Variants in GPR137C observed in about 807,000 individuals in gnomAD.
GPR137C encodes integral membrane protein GPR137C.
A neutral mutation model predicts 43.4 loss-of-function variants in GPR137C; 27 were observed. The ratio of observed to expected loss-of-function variants is 0.62; its 90% CI spans 0.46 to 0.86. The LOEUF is 0.86. Among genes scored for constraint, GPR137C ranks in the 40% least tolerant of loss-of-function variants. GPR137C has a pLI of 0.00. For synonymous variants in GPR137C, 285 were observed against 226.9 expected, an observed-to-expected ratio of 1.26 and a Z score of -2.30; for missense variants, 522 against 534.6, an observed-to-expected ratio of 0.98 and a Z score of 0.23.
intron 4 of GPR137C, among the ~76,000 whole-genome samples, chr14:52,633,275 C>T (rs2039314562): frequency 6.6e-6 from 1 of 151,962 alleles, no homozygotes; most frequent in Non-Finnish European, 1.5e-5. Context: ...CCTTATTATC[C>T]ATATATTAAA....
At position 52,553,446 on chromosome 14, in the gene GPR137C, T is replaced by G; in HGVS notation, c.299T>G (p.Phe100Cys). The G allele has an allele frequency of 6.2e-7, 1 of 1,609,056 alleles. No individual in the cohort carries two copies. Among genetic ancestry groups the G allele is most frequent in the Non-Finnish European group, 8.5e-7 (1 of 1,179,770 alleles). ...LLWAALRTTLFSAAFSLSGSL... is the reference protein window; with the variant it reads ...LLWAALRTTLCSAAFSLSGSL... ...TGGGCAGCGCTCAGGACCACCCTCT[T>G]CTCCGCCGCCTTCTCGCTCAGCGGC... is the stretch of plus-strand genomic sequence containing the variant. The change falls in exon 1 of 7, where the codon TTC becomes TGC. Residue 100 changes from phenylalanine to cysteine, a missense_variant. Physicochemically the swap from Phe to Cys is radical, Grantham distance 205. Coordinates refer to ENST00000321662, the MANE Select transcript of GPR137C (RefSeq NM_001099652.2).
intron 1 of GPR137C, among the ~76,000 whole-genome samples, chr14:52,574,835 T>G (rs925289718): frequency 1.3e-5 from 2 of 152,178 alleles, no homozygotes; most frequent in South Asian, 4.1e-4. Context: ...TTTCCTTTGG[T>G]GAATCTGGTG....
At position 52,633,985 on chromosome 14, in the gene GPR137C, A is replaced by T. The variant is rs550177000; in HGVS notation, c.1112+39A>T. 7.6e-6 allele frequency: 9 copies of T among 1,183,662 alleles called. No homozygotes were observed. In the South Asian group the frequency reaches 1.0e-4, roughly 13 times the overall value. The allele number at this position is 1,183,662 out of a possible 1,614,324, so 73.3% of individuals were successfully genotyped here. A position where few individuals can be genotyped will look rare whatever the true frequency, so the allele number is the denominator to read the frequency against. ...AGCCACTTAGCCTGAATTACTATTG[A>T]AATTGATTGAAAAAAACAAATCTAA... On this transcript the variant is annotated intron_variant, in intron 6 of 6. Coordinates refer to ENST00000321662, the MANE Select transcript of GPR137C (RefSeq NM_001099652.2).
chr14:52,600,515 A>C (rs2139527636), intron 3 of GPR137C, among the ~76,000 whole-genome samples, 174 bp downstream of exon 3: 1 of 152,274 alleles, frequency 6.6e-6, no homozygotes, highest in Non-Finnish European at 1.5e-5. Context: ...TCACAGATGC[A>C]ATCATTGTGC....
chr14:52,587,837 T>C (rs546750082), intron 1 of GPR137C, among the ~76,000 whole-genome samples: 1 of 152,262 alleles, frequency 6.6e-6, no homozygotes, highest in African/African-American at 2.4e-5. Context: ...CCTAAAAGGA[T>C]ACAAGGATGG....
intron 1 of GPR137C, among the ~76,000 whole-genome samples, chr14:52,557,369 T>C (rs544041067): frequency 6.6e-6 from 1 of 152,246 alleles, no homozygotes; most frequent in Non-Finnish European, 1.5e-5. Flanking sequence ...ATATAGAGTT[T>C]TGTTTAATGA....
chr14:52,556,093 G>A (rs1350462500), intron 1 of GPR137C, among the ~76,000 whole-genome samples: 1 of 151,986 alleles, frequency 6.6e-6, no homozygotes, highest in Non-Finnish European at 1.5e-5. Context: ...CTTAACTGAT[G>A]TTTAATTTTT....
rs1417974986 is a variant in GPR137C, at chr14:52,553,602, A to G, written c.444+11A>G. 11 of 1,491,034 alleles carry G rather than the reference A, an allele frequency of 7.4e-6. No homozygotes were observed. Among genetic ancestry groups the G allele is most frequent in the South Asian group, 4.0e-5 (3 of 75,818 alleles). The allele number at this position is 1,491,034 out of a possible 1,614,324, so 92.4% of individuals were successfully genotyped here. The stretch of plus-strand genomic sequence containing the variant: ...CTCTACCTGGCGGAGGTAAGGCGGG[A>G]GGGCCGGCATGCGGGGCCCGGGCGG... On this transcript the variant is annotated intron_variant, in intron 1 of 6. Transcript: ENST00000321662.
At chr14:52,561,054 A>G (rs1407009689) in intron 1 of GPR137C, among the ~76,000 whole-genome samples, 1 of 152,138 alleles carries the variant, frequency 6.6e-6, no homozygotes, top group East Asian at 1.9e-4. Flanking sequence ...ATACTTCACA[A>G]AAAAGATATA....
At chr14:52,559,744 T>C (rs2038252363) in intron 1 of GPR137C, among the ~76,000 whole-genome samples, 1 of 152,224 alleles carries the variant, frequency 6.6e-6, no homozygotes, top group African/African-American at 2.4e-5. Context: ...TCTCTATTTG[T>C]AGGTGACACA....
chr14:52,565,446 T>C (rs1322796993), intron 1 of GPR137C, among the ~76,000 whole-genome samples: 3 of 152,220 alleles, frequency 2.0e-5, no homozygotes, highest in African/African-American at 7.2e-5. Context: ...GTTCTAAGTC[T>C]GACCAAATGT....
At chr14:52,588,630 A>G (rs1566612683) in intron 1 of GPR137C, among the ~76,000 whole-genome samples, 1 of 152,232 alleles carries the variant, frequency 6.6e-6, no homozygotes, top group Non-Finnish European at 1.5e-5. Context: ...AATTGTGAAT[A>G]TCATGAAAGA....
chr14:52,603,331 T>G (rs1047670001), intron 3 of GPR137C, among the ~76,000 whole-genome samples: 3 of 152,208 alleles, frequency 2.0e-5, no homozygotes, highest in Non-Finnish European at 2.9e-5. Context: ...CCACATTTTT[T>G]TATTCATTCA....
intron 1 of GPR137C, among the ~76,000 whole-genome samples, chr14:52,554,225 T>G (rs908431474): frequency 3.3e-5 from 5 of 152,322 alleles, no homozygotes; most frequent in African/African-American, 9.6e-5. Context: ...CCTTAATGTT[T>G]GCCCCAGTTG....
Position 52,560,171 on chromosome 14 carries a change from T to C in GPR137C, c.444+6580T>C, listed in dbSNP as rs188703351. Among the ~76,000 whole-genome samples the C allele has an allele frequency of 6.5e-3, 994 of 152,112 alleles. 5 individuals are homozygous for C. The highest frequency in any genetic ancestry group is 0.01 in the Non-Finnish European group (708 of 67,998). ...GACCCTGTTTCAAAAACAACAATTC[T>C]ACATGCAATAGTGTCAAAAAATTAA... On this transcript the variant is annotated intron_variant, in intron 1 of 6. Coordinates refer to ENST00000321662, the MANE Select transcript of GPR137C (RefSeq NM_001099652.2).
chr14:52,618,611 A>C (rs1165786793), intron 3 of GPR137C, among the ~76,000 whole-genome samples: 3 of 152,010 alleles, frequency 2.0e-5, no homozygotes, highest in Admixed American at 2.0e-4. Flanking sequence ...CAGAATTATA[A>C]CTTTTTATCA....
intron 1 of GPR137C, among the ~76,000 whole-genome samples, chr14:52,558,439 G>A (rs1401470664): frequency 6.6e-6 from 1 of 152,160 alleles, no homozygotes; most frequent in Non-Finnish European, 1.5e-5. Flanking sequence ...GCACAAGTTT[G>A]AAGCCTAAAT....
In GPR137C at chr14:52,578,238, A is replaced by G. The variant is rs12586512; in HGVS notation, c.445-20034A>G. On this transcript the variant is annotated intron_variant, in intron 1 of 6. Transcript: ENST00000321662. ...CATGTATTTTTTAGTTTAGGGAGAC[A>G]TTCTCGTATTTTTAACTTGATTTTC... 7.2e-5 allele frequency among the ~76,000 whole-genome samples: 11 copies of G among 152,268 alleles called. No homozygotes were observed. In the East Asian group the frequency reaches 1.2e-3, roughly 16 times the overall value.
chr14:52,573,220 T>A (rs1463292515), intron 1 of GPR137C, among the ~76,000 whole-genome samples: 1 of 152,248 alleles, frequency 6.6e-6, no homozygotes, highest in Non-Finnish European at 1.5e-5. Flanking sequence ...TAGAACAAAC[T>A]ATTTTAAATT....
Sources: gnomAD v4.1 joint callset for allele counts (sites outside exome capture counted in the v4.1 genomes callset) on GRCh38, gnomAD v4.1.1 for gene constraint, MANE v1.5 for transcripts, NCBI Gene and HGNC (gene_info 2026-07-23, HGNC 2026-07-21) for gene names.